The following TENT5C variants were observed in gnomAD, a reference collection of about 807,000 sequenced individuals.
TENT5C encodes terminal nucleotidyltransferase 5C.
A neutral mutation model predicts 22.2 loss-of-function variants in TENT5C; 5 were observed. That is an observed-to-expected ratio of 0.22 (90% CI 0.12 to 0.47). The LOEUF is 0.47. TENT5C is among the 20% of genes least tolerant of loss of function. TENT5C has a pLI of 0.99. For synonymous variants in TENT5C, 199 were observed against 195.4 expected, an observed-to-expected ratio of 1.02 and a Z score of -0.15; for missense variants, 364 against 500.9, an observed-to-expected ratio of 0.73 and a Z score of 2.61.
At chr1:117,622,234 A>G (rs1292367143) in intron 1 of TENT5C, among the ~76,000 whole-genome samples, 2 of 152,208 alleles carry the variant, frequency 1.3e-5, no homozygotes, top group East Asian at 3.9e-4. Context: ...ACTTTATTCT[A>G]GTAGAAGGGG....
At chr1:117,622,149 C>G (rs10923357) in intron 1 of TENT5C, among the ~76,000 whole-genome samples, 21,629 of 152,146 alleles carry the variant, frequency 0.14, 1,840 homozygotes, top group Admixed American at 0.24. Flanking sequence ...TGGTTCTACC[C>G]TAGATGACAA....
At chr1:117,617,383 C>CTTT (rs10633030) in intron 1 of TENT5C, among the ~76,000 whole-genome samples, 2 of 144,512 alleles carry the variant, frequency 1.4e-5, no homozygotes, top group Admixed American at 1.4e-4. Context: ...CTGCAAACCT[C>CTTT]TTTTTTTTTT....
intron 1 of TENT5C, among the ~76,000 whole-genome samples, chr1:117,622,316 CGTGTGTGTGTGTGTGTGT>C (rs3050944): frequency 2.0e-5 from 3 of 149,438 alleles, no homozygotes; most frequent in Non-Finnish European, 3.0e-5. Context: ...TGAAGGAAGT[CGTGTGTGTGTGTGTGTGT>C]GTGTGTGTGT....
Position 117,625,637 on chromosome 1 carries a change from A to G in TENT5C, c.*1593A>G, listed in dbSNP as rs1276781878. The stretch of plus-strand genomic sequence containing the variant: ...CTTTTTTTTCCCCCTTCCTTTGGCT[A>G]TGAAAACCCAAAGCCCGGAGTGATT... On this transcript the variant is annotated 3_prime_UTR_variant, in exon 2 of 2. Transcript: ENST00000369448. 4.0e-6 allele frequency: 1 copy of G among 247,980 alleles called. No individual in the cohort carries two copies. 15.4% of individuals were successfully genotyped at this position (247,980 alleles called of 1,614,324 possible). A position where few individuals can be genotyped will look rare whatever the true frequency, so the allele number is the denominator to read the frequency against.
chr1:117,624,125 G>A lies in TENT5C; in HGVS notation c.*81G>A, dbSNP rs959438515. On this transcript the variant is annotated 3_prime_UTR_variant, in exon 2 of 2. Coordinates refer to ENST00000369448, the MANE Select transcript of TENT5C (RefSeq NM_017709.4). Reference sequence around the variant, plus strand: ...GTAGGGGAGCCTCCTTCTAGATGTAGGCATTTGGCTTTTAAAGGGGAACTC... The same window carrying A: ...GTAGGGGAGCCTCCTTCTAGATGTAAGCATTTGGCTTTTAAAGGGGAACTC... 12 of 1,235,790 alleles carry A rather than the reference G, an allele frequency of 9.7e-6. No individual in the cohort carries two copies. The highest frequency in any genetic ancestry group is 4.6e-5 in the African/African-American group (3 of 64,832). The allele number at this position is 1,235,790 out of a possible 1,614,324, so 76.6% of individuals were successfully genotyped here. A position where few individuals can be genotyped will look rare whatever the true frequency, so the allele number is the denominator to read the frequency against.
At chr1:117,613,808 TG>T (rs1468493054) in intron 1 of TENT5C, among the ~76,000 whole-genome samples, 1 of 152,144 alleles carries the variant, frequency 6.6e-6, no homozygotes, top group Non-Finnish European at 1.5e-5. Flanking sequence ...AAAGACCAAC[TG>T]TGGGGTTTGT....
At chr1:117,613,700 A>G (rs1344070200) in intron 1 of TENT5C, among the ~76,000 whole-genome samples, 1 of 152,040 alleles carries the variant, frequency 6.6e-6, no homozygotes, top group Non-Finnish European at 1.5e-5. Context: ...ACATTTTTTG[A>G]CTCTAGTAAA....
At chr1:117,607,790 G>T (rs1443600324) in intron 1 of TENT5C, among the ~76,000 whole-genome samples, 2 of 152,200 alleles carry the variant, frequency 1.3e-5, no homozygotes, top group Non-Finnish European at 2.9e-5. Context: ...AGTGGAAAAG[G>T]GGGAGGGGGA....
Position 117,627,598 on chromosome 1 carries a change from T to C in TENT5C, c.*3554T>C, listed in dbSNP as rs1193890707. ...CTGGGTGTCGGACCAGGGCTCTGTG[T>C]CAGGGAAAACCTTCTGGGTGGACTT... On this transcript the variant is annotated 3_prime_UTR_variant, in exon 2 of 2. Transcript: ENST00000369448. 8.1e-6 allele frequency: 2 copies of C among 248,144 alleles called. No individual in the cohort carries two copies. Among genetic ancestry groups the C allele is most frequent in the Non-Finnish European group, 1.7e-5 (2 of 118,102 alleles). The allele number at this position is 248,144 out of a possible 1,614,324, so 15.4% of individuals were successfully genotyped here.
intron 1 of TENT5C, among the ~76,000 whole-genome samples, chr1:117,613,142 A>C (rs1345059172): frequency 6.6e-6 from 1 of 152,222 alleles, no homozygotes; most frequent in Non-Finnish European, 1.5e-5. Context: ...TGATCTAGAA[A>C]GAAGCAGTTG....
In TENT5C at chr1:117,626,821, ACT is replaced by A. The variant is rs527458914; in HGVS notation, c.*2780_*2781del. ...TTATTTGTTTCGGGACTCTGATTTG[ACT>A]CTTTTTCTGATGCTTTCGGCATGTC... On this transcript the variant is annotated 3_prime_UTR_variant, in exon 2 of 2. Coordinates refer to ENST00000369448, the MANE Select transcript of TENT5C (RefSeq NM_017709.4). 507 of 247,610 alleles carry A rather than the reference ACT, an allele frequency of 2.0e-3. 10 individuals are homozygous for A. The highest frequency in any genetic ancestry group is 5.1e-3 in the Middle Eastern group (4 of 788). The allele number at this position is 247,610 out of a possible 1,614,324, so 15.3% of individuals were successfully genotyped here.
In TENT5C at chr1:117,626,834, T is replaced by C. The variant is rs1189175639; in HGVS notation, c.*2790T>C. ...GACTCTGATTTGACTCTTTTTCTGA[T>C]GCTTTCGGCATGTCTGCAGCCTGTT... On this transcript the variant is annotated 3_prime_UTR_variant, in exon 2 of 2. Transcript: ENST00000369448. 1 of 248,108 alleles carries C rather than the reference T, an allele frequency of 4.0e-6. No homozygotes were observed. The highest frequency in any genetic ancestry group is 2.2e-5 in the African/African-American group (1 of 45,370). The allele number at this position is 248,108 out of a possible 1,614,324, so 15.4% of individuals were successfully genotyped here. A position where few individuals can be genotyped will look rare whatever the true frequency, so the allele number is the denominator to read the frequency against.
chr1:117,610,870 T>G (rs989363500), intron 1 of TENT5C, among the ~76,000 whole-genome samples: 7 of 152,234 alleles, frequency 4.6e-5, no homozygotes, highest in African/African-American at 1.7e-4. Context: ...TTTCTAGTTC[T>G]TAAATTTTTA....
chr1:117,620,713 G>A (rs1182531133), intron 1 of TENT5C, among the ~76,000 whole-genome samples: 1 of 152,138 alleles, frequency 6.6e-6, no homozygotes, highest in Non-Finnish European at 1.5e-5. Flanking sequence ...CATATTAGAT[G>A]CTCCTAGGAG....
chr1:117,611,933 C>T (rs1321818872), intron 1 of TENT5C, among the ~76,000 whole-genome samples: 1 of 152,204 alleles, frequency 6.6e-6, no homozygotes, highest in East Asian at 1.9e-4. Flanking sequence ...TATAAAAAAT[C>T]TAAATGAGAT....
At chr1:117,617,502 C>A (rs1040794999) in intron 1 of TENT5C, among the ~76,000 whole-genome samples, 3 of 151,996 alleles carry the variant, frequency 2.0e-5, no homozygotes, top group African/African-American at 7.2e-5. Flanking sequence ...AAAAACAAAC[C>A]CTGAATTCTC....
chr1:117,624,155 C>A lies in TENT5C; in HGVS notation c.*111C>A. On this transcript the variant is annotated 3_prime_UTR_variant, in exon 2 of 2. Transcript: ENST00000369448. ...TTGGCTTTTAAAGGGGAACTCAGCT[C>A]TGATTCTGCTTTTTTTTTTTTTTTT... 7 of 807,776 alleles carry A rather than the reference C, an allele frequency of 8.7e-6. No homozygotes were observed. Among genetic ancestry groups the A allele is most frequent in the Non-Finnish European group, 1.3e-5 (7 of 523,388 alleles). The allele number at this position is 807,776 out of a possible 1,614,324, so 50.0% of individuals were successfully genotyped here.
chr1:117,622,712 C>T (rs1397825751), intron 1 of TENT5C, 130 bp from the exon 2 acceptor site: 4 of 653,534 alleles, frequency 6.1e-6, no homozygotes, highest in African/African-American at 5.5e-5. Flanking sequence ...CTCATGGCAA[C>T]ACTGAGCAGT....
intron 1 of TENT5C, among the ~76,000 whole-genome samples, chr1:117,615,733 A>G (rs12408825): frequency 0.14 from 21,384 of 152,276 alleles, 1,827 homozygotes; most frequent in Admixed American, 0.24. Flanking sequence ...CCCACACACT[A>G]TGGCAATATA....
Sources: allele counts gnomAD v4.1 joint callset (sites outside exome capture counted in the v4.1 genomes callset), GRCh38; gene constraint gnomAD v4.1.1; transcripts MANE v1.5; gene names NCBI Gene and HGNC (gene_info 2026-07-23, HGNC 2026-07-21).